SLC35D1: variants seen among roughly 807,000 people sequenced by gnomAD.
SLC35D1 encodes the protein solute carrier family 35 member D1, also known as nucleotide sugar transporter SLC35D1.
In SLC35D1, 31 loss-of-function variants were observed where a neutral mutation model predicts 46.7. The ratio of observed to expected loss-of-function variants is 0.66; its 90% confidence interval spans 0.50 to 0.90. The LOEUF is 0.90. Ranked by LOEUF, SLC35D1 falls within the 40% of genes least tolerant of loss-of-function variation. The probability of loss-of-function intolerance (pLI) is 0.00; values close to 1 mark genes in which losing one functional copy is unlikely to be tolerated. For missense variants in SLC35D1, 397 were observed against 426.2 expected, an observed-to-expected ratio of 0.93 and a Z score of 0.60; for synonymous variants, 195 against 164.6, an observed-to-expected ratio of 1.18 and a Z score of -1.41.
downstream of SLC35D1, among the ~76,000 whole-genome samples, chr1:66,997,519 A>AAAATATATATATAT (rs1553262615): frequency 1.4e-5 from 1 of 74,070 alleles, no homozygotes; most frequent in Non-Finnish European, 2.5e-5. Context: ...AAAAAAAAAA[A>AAAATATATATATAT]ATATATATAT....
the SLC35D1 span, chr1:66,987,778 CA>C: frequency 6.6e-6 from 1 of 152,008 alleles, no homozygotes; most frequent in African/African-American, 2.4e-5. Context: ...TATATATACA[CA>C]GTCTGTTTCT....
intron 1 of SLC35D1, 135 bp downstream of exon 1, chr1:67,053,676 C>T (rs1478017179): frequency 1.3e-5 from 11 of 865,716 alleles, no homozygotes; most frequent in Non-Finnish European, 1.5e-5. Flanking sequence ...GCGCGTCAGC[C>T]GCCCGCCCTC....
At chr1:67,012,507 C>T (rs934907790) in intron 10 of SLC35D1, among the ~76,000 whole-genome samples, 2 of 130,288 alleles carry the variant, frequency 1.5e-5, no homozygotes, top group African/African-American at 5.7e-5. Flanking sequence ...AAAAATTCAA[C>T]AGCCAAAAGA....
At chr1:66,990,703 T>C in the SLC35D1 span, among the ~76,000 whole-genome samples, 2 of 151,590 alleles carry the variant, frequency 1.3e-5, no homozygotes, top group Non-Finnish European at 2.9e-5. Flanking sequence ...TGTATATGTA[T>C]AGTTAGTTAG....
At chr1:66,977,131 TGTA>T in the SLC35D1 span, among the ~76,000 whole-genome samples, 5 of 151,620 alleles carry the variant, frequency 3.3e-5, no homozygotes, top group African/African-American at 1.2e-4. Context: ...TTTTTTGAGA[TGTA>T]GTCTCAAATC....
the SLC35D1 span, among the ~76,000 whole-genome samples, chr1:66,978,442 AT>A: frequency 2.8e-3 from 420 of 152,318 alleles, 8 homozygotes; most frequent in Admixed American, 0.016. Flanking sequence ...AAAGCTGGTG[AT>A]TGCTAAAGTG....
intron 8 of SLC35D1, among the ~76,000 whole-genome samples, chr1:67,025,858 G>C (rs1312926044): frequency 1.3e-5 from 2 of 152,126 alleles, no homozygotes; most frequent in Non-Finnish European, 2.9e-5. Context: ...GTTCACTGCT[G>C]TTTTGTGGAG....
In SLC35D1 at chr1:67,001,212, A is replaced by G. The variant is rs927918998; in HGVS notation, c.*3128T>C. 6.6e-6 allele frequency: 1 copy of G among 151,994 alleles called. No homozygotes were observed. Among genetic ancestry groups the G allele is most frequent in the African/African-American group, 2.4e-5 (1 of 41,300 alleles). The allele number at this position is 151,994 out of a possible 1,614,324, so 9.4% of individuals were successfully genotyped here. A position where few individuals can be genotyped will look rare whatever the true frequency, so the allele number is the denominator to read the frequency against. On this transcript the variant is annotated 3_prime_UTR_variant, in exon 12 of 12. Transcript: ENST00000235345. Reference sequence around the variant, plus strand: ...CCATTTCAAACCAACTCAATGTGAAACTCCACTGTTTCTCCGTGAGGATCC... The same window carrying G: ...CCATTTCAAACCAACTCAATGTGAAGCTCCACTGTTTCTCCGTGAGGATCC...
chr1:67,021,700 G>C lies in SLC35D1; in HGVS notation c.730-98C>G, dbSNP rs1480182463. ...CTTCTACGAGTCTGCCTCCAACACA[G>C]ACACAGACACAGACACAGACACAGA... On this transcript the variant is annotated intron_variant, in intron 8 of 11. Coordinates refer to ENST00000235345, the MANE Select transcript of SLC35D1 (RefSeq NM_015139.3). The C allele has an allele frequency of 0.027, 4,910 of 179,698 alleles. 103 individuals are homozygous for C. Among genetic ancestry groups the C allele is most frequent in the East Asian group, 0.07 (436 of 6,216 alleles). 11.1% of individuals were successfully genotyped at this position (179,698 alleles called of 1,614,324 possible).
At position 67,054,148 on chromosome 1, in the gene SLC35D1, T is replaced by G. The variant is rs1393377486; in HGVS notation, c.-135A>C. ...GCGCTCGCCGCCTCGACTCCCCGCT[T>G]GGCCGCCGCCTGTCCCCGCCCAGGG... On this transcript the variant is annotated 5_prime_UTR_variant, in exon 1 of 12. Coordinates refer to ENST00000235345, the MANE Select transcript of SLC35D1 (RefSeq NM_015139.3). 2 of 816,644 alleles carry G rather than the reference T, an allele frequency of 2.4e-6. No individual in the cohort carries two copies. Among genetic ancestry groups the G allele is most frequent in the Non-Finnish European group, 3.7e-6 (2 of 539,128 alleles). 50.6% of individuals were successfully genotyped at this position (816,644 alleles called of 1,614,324 possible).
intron 8 of SLC35D1, among the ~76,000 whole-genome samples, chr1:67,031,782 C>A (rs1316245670): frequency 6.6e-6 from 1 of 152,176 alleles, no homozygotes; most frequent in African/African-American, 2.4e-5. Flanking sequence ...GACTAAAATG[C>A]AGTCACTTTA....
At chr1:67,027,733 G>GT (rs931770638) in intron 8 of SLC35D1, among the ~76,000 whole-genome samples, 6 of 151,576 alleles carry the variant, frequency 4.0e-5, no homozygotes, top group Non-Finnish European at 8.8e-5. Flanking sequence ...TAGTTTTTTT[G>GT]TTTTTTGAGA....
intron 8 of SLC35D1, among the ~76,000 whole-genome samples, chr1:67,041,506 A>C (rs1183203861): frequency 6.6e-6 from 1 of 152,238 alleles, no homozygotes; most frequent in Non-Finnish European, 1.5e-5. Context: ...TGAAGAAGTT[A>C]CTAGCCAGGG....
intron 10 of SLC35D1, 38 bp downstream of exon 10, chr1:67,020,331 A>G (rs771540177): frequency 3.0e-6 from 4 of 1,319,612 alleles, no homozygotes; most frequent in Non-Finnish European, 4.4e-6. Flanking sequence ...TTTTCAAATA[A>G]TGCAGGTACC....
chr1:66,973,568 TG>T, the SLC35D1 span, among the ~76,000 whole-genome samples: 13 of 152,112 alleles, frequency 8.5e-5, no homozygotes, highest in Non-Finnish European at 1.5e-4. Context: ...ATATCAGTCA[TG>T]TAATTTATAC....
the SLC35D1 span, chr1:66,984,507 T>C: frequency 3.5e-6 from 4 of 1,156,948 alleles, no homozygotes; most frequent in Non-Finnish European, 4.9e-6. Context: ...ACAAGCTGTT[T>C]TATAATAGTT....
chr1:67,015,835 A>G (rs1030015874), intron 10 of SLC35D1, among the ~76,000 whole-genome samples: 1 of 152,238 alleles, frequency 6.6e-6, no homozygotes, highest in African/African-American at 2.4e-5. Context: ...ATTATGTCTT[A>G]TAAGTCTCTA....
At chr1:67,038,150 C>T (rs1444465581) in intron 8 of SLC35D1, among the ~76,000 whole-genome samples, 2 of 152,114 alleles carry the variant, frequency 1.3e-5, no homozygotes, top group Non-Finnish European at 2.9e-5. Flanking sequence ...TATGGGAACA[C>T]CAAGGCCCAG....
At chr1:66,980,669 GATAA>G in the SLC35D1 span, among the ~76,000 whole-genome samples, 1 of 152,240 alleles carries the variant, frequency 6.6e-6, no homozygotes, top group African/African-American at 2.4e-5. Flanking sequence ...GGAATTTTAA[GATAA>G]ATAACACAAT....
Sources: allele counts gnomAD v4.1 joint callset (sites outside exome capture counted in the v4.1 genomes callset), GRCh38; gene constraint gnomAD v4.1.1; transcripts MANE v1.5; gene names NCBI Gene and HGNC (gene_info 2026-07-23, HGNC 2026-07-21).